Variants in ANKRD45 observed in about 807,000 individuals in gnomAD.
ANKRD45 encodes the protein ankyrin repeat domain 45.
ANKRD45 carries 21 observed loss-of-function variants against 28.1 expected under a neutral mutation model. That is an observed-to-expected ratio of 0.75 (90% CI 0.53 to 1.08). The LOEUF (loss-of-function observed/expected upper bound fraction) is 1.08. ANKRD45 is among the 50% of genes least tolerant of loss of function. The pLI is 0.00. For synonymous variants in ANKRD45, 86 were observed against 103.9 expected (o/e 0.83, Z 1.05); for missense variants, 261 against 308.7 (o/e 0.85, Z 1.16).
chr1:173,615,725 C>T (rs1427538702), intron 5 of ANKRD45, among the ~76,000 whole-genome samples: 2 of 152,046 alleles, frequency 1.3e-5, no homozygotes, highest in African/African-American at 4.8e-5. Context: ...TGTGACCACA[C>T]AAAAATTTTC....
chr1:173,676,183 T>G, the ANKRD45 span, among the ~76,000 whole-genome samples: 314 of 152,344 alleles, frequency 2.1e-3, 10 homozygotes, highest in East Asian at 0.051. Context: ...CTTGGTAAAA[T>G]AACCAGTTTC....
At chr1:173,691,339 ACACCTCCT>A in the ANKRD45 span, among the ~76,000 whole-genome samples, 1 of 152,336 alleles carries the variant, frequency 6.6e-6, no homozygotes, top group South Asian at 2.1e-4. Context: ...GGGGCGGGGC[ACACCTCCT>A]CACGAGAGTG....
chr1:173,683,223 T>C, the ANKRD45 span, among the ~76,000 whole-genome samples: 3 of 152,156 alleles, frequency 2.0e-5, no homozygotes, highest in Admixed American at 6.5e-5. Flanking sequence ...TGGTTGTTAA[T>C]CTTAACTTTA....
At chr1:173,689,281 T>C in the ANKRD45 span, among the ~76,000 whole-genome samples, 2 of 152,190 alleles carry the variant, frequency 1.3e-5, no homozygotes, top group Non-Finnish European at 2.9e-5. Context: ...GATGAGGACC[T>C]TGGTCCTCCA....
chr1:173,677,603 G>T, the ANKRD45 span, among the ~76,000 whole-genome samples: 3 of 152,186 alleles, frequency 2.0e-5, 1 homozygote, highest in African/African-American at 7.2e-5. Flanking sequence ...AGTTTATTTT[G>T]ATTGGCATCC....
the ANKRD45 span, among the ~76,000 whole-genome samples, chr1:173,694,802 C>T: frequency 2.0e-5 from 3 of 152,156 alleles, no homozygotes; most frequent in East Asian, 5.8e-4. Flanking sequence ...CTTACAAGTG[C>T]GAACCTGCAG....
At chr1:173,661,265 T>C (rs573965344) in intron 1 of ANKRD45, among the ~76,000 whole-genome samples, 2 of 152,250 alleles carry the variant, frequency 1.3e-5, no homozygotes, top group African/African-American at 4.8e-5. Context: ...TAGTAAAGAA[T>C]ATTAACATTT....
At chr1:173,614,988 T>A (rs1667397225) in intron 5 of ANKRD45, among the ~76,000 whole-genome samples, 1 of 152,066 alleles carries the variant, frequency 6.6e-6, no homozygotes, top group African/African-American at 2.4e-5. Context: ...GGCTAATTTT[T>A]TTGTATTTTT....
At chr1:173,632,590 A>T (rs1253518643) in intron 3 of ANKRD45, among the ~76,000 whole-genome samples, 11 of 151,986 alleles carry the variant, frequency 7.2e-5, no homozygotes, top group Non-Finnish European at 1.6e-4. Flanking sequence ...ATGAACACTG[A>T]TGCAAAAATC....
At chr1:173,632,705 T>C (rs565685738) in intron 3 of ANKRD45, among the ~76,000 whole-genome samples, 1 of 152,162 alleles carries the variant, frequency 6.6e-6, no homozygotes, top group South Asian at 2.1e-4. Context: ...TGCAAGGATG[T>C]TTCAACAAAT....
intron 1 of ANKRD45, chr1:173,669,534 T>C (rs1162300230): frequency 2.2e-6 from 1 of 454,560 alleles, no homozygotes; most frequent in Admixed American, 2.4e-5. Context: ...CGCCGCCAGG[T>C]GATCCAGGAG....
At chr1:173,712,164 GAAAT>G in the ANKRD45 span, among the ~76,000 whole-genome samples, 3 of 152,120 alleles carry the variant, frequency 2.0e-5, no homozygotes, top group Non-Finnish European at 4.4e-5. Context: ...AGTAATGAGA[GAAAT>G]AAACATTTAA....
At chr1:173,635,520 G>A (rs1306676579) in intron 3 of ANKRD45, 5 of 1,505,680 alleles carry the variant, frequency 3.3e-6, no homozygotes, top group Non-Finnish European at 4.4e-6. Flanking sequence ...TGACAAAGAA[G>A]GATGTCTAAT....
At chr1:173,639,395 C>T (rs1003642764) in intron 3 of ANKRD45, among the ~76,000 whole-genome samples, 1 of 152,166 alleles carries the variant, frequency 6.6e-6, no homozygotes, top group Admixed American at 6.5e-5. Flanking sequence ...TTTCACTTAA[C>T]TCCTTGCCTT....
At chr1:173,714,195 C>A in the ANKRD45 span, among the ~76,000 whole-genome samples, 1 of 152,188 alleles carries the variant, frequency 6.6e-6, no homozygotes, top group South Asian at 2.1e-4. Context: ...GTAATCCCCA[C>A]CTTACACTTG....
intron 3 of ANKRD45, among the ~76,000 whole-genome samples, chr1:173,640,979 A>G (rs1273998847): frequency 1.3e-5 from 2 of 152,052 alleles, no homozygotes; most frequent in Non-Finnish European, 2.9e-5. Flanking sequence ...GCCCTTGTTC[A>G]CTTCTATGGT....
intron 3 of ANKRD45, among the ~76,000 whole-genome samples, chr1:173,642,385 A>G (rs555984747): frequency 4.7e-4 from 71 of 152,340 alleles, no homozygotes; most frequent in African/African-American, 1.7e-3. Context: ...AAAAGGACAA[A>G]CAGAGCAACT....
chr1:173,617,244 G>T (rs746393434), intron 5 of ANKRD45, among the ~76,000 whole-genome samples: 8 of 152,142 alleles, frequency 5.3e-5, no homozygotes, highest in Non-Finnish European at 1.0e-4. Flanking sequence ...TAGGAATAGG[G>T]CTGAATCCAG....
chr1:173,613,144 A>T (rs1667254029), intron 5 of ANKRD45, among the ~76,000 whole-genome samples: 1 of 151,148 alleles, frequency 6.6e-6, no homozygotes, highest in South Asian at 2.1e-4. Context: ...CTAGGAAGTG[A>T]GGAGCGTCTC....
Sources: allele counts gnomAD v4.1 joint callset (sites outside exome capture counted in the v4.1 genomes callset), GRCh38; gene constraint gnomAD v4.1.1; transcripts MANE v1.5; gene names NCBI Gene and HGNC (gene_info 2026-07-23, HGNC 2026-07-21).